Variants in HACD3 observed in about 807,000 individuals in gnomAD.
HACD3 encodes 3-hydroxyacyl-CoA dehydratase 3.
Under a neutral mutation model 55.2 loss-of-function variants are expected in HACD3, and 30 were observed. The observed-to-expected ratio is 0.54, with a 90% CI of 0.41 to 0.74. The LOEUF (loss-of-function observed/expected upper bound fraction) is 0.74, where lower values mean the gene tolerates loss of function less well. Among genes scored for constraint, HACD3 ranks in the 30% least tolerant of loss-of-function variants. The probability of loss-of-function intolerance (pLI) is 0.00; values close to 1 mark genes in which losing one functional copy is unlikely to be tolerated. For synonymous variants in HACD3, 141 were observed against 151.7 expected (o/e 0.93, Z 0.52); for missense variants, 363 against 440.1 (o/e 0.82, Z 1.57).
intron 6 of HACD3, 145 bp from the exon 7 acceptor site, chr15:65,564,070 T>C: frequency 9.8e-7 from 1 of 1,021,742 alleles, no homozygotes; most frequent in Non-Finnish European, 1.5e-6. Context: ...CCTTCCTGCT[T>C]AGTTAAGTAA....
intron 6 of HACD3, 136 bp downstream of exon 6, chr15:65,563,020 T>C (rs2072258628): frequency 2.3e-6 from 3 of 1,332,096 alleles, no homozygotes; most frequent in South Asian, 1.5e-5. Flanking sequence ...TTCGTTGTGC[T>C]TTCATAGCTC....
chr15:65,571,096 A>C (rs1183069600), intron 8 of HACD3, among the ~76,000 whole-genome samples: 1 of 152,226 alleles, frequency 6.6e-6, no homozygotes, highest in African/African-American at 2.4e-5. Context: ...CCTTAATGCA[A>C]TGTTTACTGT....
chr15:65,571,524 A>G, intron 8 of HACD3, 24 bp from the exon 9 acceptor site: 3 of 1,575,032 alleles, frequency 1.9e-6, no homozygotes, highest in East Asian at 2.2e-5. Flanking sequence ...GGCTTTTCAC[A>G]TTGGAATCAT....
chr15:65,562,829 G>T lies in HACD3; in HGVS notation c.477G>T (p.Leu159Phe). 6.2e-7 allele frequency: 1 copy of T among 1,613,788 alleles called. No individual in the cohort carries two copies. The highest frequency in any genetic ancestry group is 8.5e-7 in the Non-Finnish European group (1 of 1,179,858). ...YLFMYNLVQF[L>F]GFSWIFVNLT... The stretch of plus-strand genomic sequence containing the variant: ...TTATGTATAATCTTGTGCAATTCTT[G>T]GGATTCTCCTGGATCTTTGTCAACC... The change falls in exon 6 of 11, where the codon TTG (leucine) becomes TTT (phenylalanine). Residue 159 changes from leucine (L) to phenylalanine (F), a missense_variant. Coordinates refer to ENST00000261875, the MANE Select transcript of HACD3 (RefSeq NM_016395.4).
intron 1 of HACD3, among the ~76,000 whole-genome samples, chr15:65,549,426 GAAAAAAAAAA>G (rs34149100): frequency 2.7e-5 from 3 of 111,064 alleles, no homozygotes; most frequent in Non-Finnish European, 3.5e-5. Flanking sequence ...TCTCTGCTGG[GAAAAAAAAAA>G]AAAAAAAAAA....
chr15:65,568,749 A>G (rs145596871), intron 7 of HACD3, among the ~76,000 whole-genome samples: 79 of 152,306 alleles, frequency 5.2e-4, no homozygotes, highest in African/African-American at 1.7e-3. Context: ...CAAATTGGGG[A>G]CTTACCCTAT....
rs1038425824 is a variant in HACD3, at chr15:65,547,120, A to AT, written c.88-4542dup. On this transcript the variant is annotated intron_variant, in intron 1 of 10. Transcript: ENST00000261875. ...GCCCGTTAGTGATTGAGTTCCCAGG[A>AT]TTTTTTTTTTTTTTGAGACGGAGTC... 7.0e-3 allele frequency among the ~76,000 whole-genome samples: 1,016 copies of AT among 144,634 alleles called. 4 individuals carry two copies. The highest frequency in any genetic ancestry group is 0.029 in the Middle Eastern group (8 of 276). The allele number at this position is 144,634 out of a possible 152,430, so 94.9% of individuals were successfully genotyped here.
Position 65,571,533 on chromosome 15 carries a change from A to G in HACD3, c.774-15A>G, listed in dbSNP as rs755670247. Reference sequence around the variant, plus strand: ...TGAAGTGGCTTTTCACATTGGAATCATTTATTTTCAATAGGTACTCTTTCT... The same window carrying G: ...TGAAGTGGCTTTTCACATTGGAATCGTTTATTTTCAATAGGTACTCTTTCT... On this transcript the variant is annotated splice_polypyrimidine_tract_variant and intron_variant, in intron 8 of 10. Coordinates refer to ENST00000261875, the MANE Select transcript of HACD3 (RefSeq NM_016395.4). 6.3e-7 allele frequency: 1 copy of G among 1,597,374 alleles called. No individual in the cohort carries two copies. Among genetic ancestry groups the G allele is most frequent in the South Asian group, 1.1e-5 (1 of 90,324 alleles).
rs777654393 is a variant in HACD3, at chr15:65,564,168, T to G, written c.533-47T>G. 2.5e-6 allele frequency: 4 copies of G among 1,586,938 alleles called. No individual in the cohort carries two copies. In the East Asian group the frequency reaches 9.0e-5, roughly 36 times the overall value. On this transcript the variant is annotated intron_variant, in intron 6 of 10. Transcript: ENST00000261875. The stretch of plus-strand genomic sequence containing the variant: ...AATCTAGTTTGAGAAATAGTTCTGT[T>G]GGAATTTACCAACTGATTCACCCTT...
intron 1 of HACD3, among the ~76,000 whole-genome samples, chr15:65,544,457 C>A (rs2072053705): frequency 6.6e-6 from 1 of 152,136 alleles, no homozygotes; most frequent in Admixed American, 6.5e-5. Context: ...TGGCAGTATC[C>A]TGATTTTGAT....
chr15:65,540,573 G>A (rs1426598656), intron 1 of HACD3, among the ~76,000 whole-genome samples: 2 of 152,150 alleles, frequency 1.3e-5, no homozygotes, highest in Non-Finnish European at 2.9e-5. Flanking sequence ...GCAGGCAAAG[G>A]CTTAGTGGGG....
chr15:65,562,809 T>TGCACA lies in HACD3; in HGVS notation c.457_458insGCACA (p.Tyr153CysfsTer18). 2 of 1,613,994 alleles carry TGCACA rather than the reference T, an allele frequency of 1.2e-6. No homozygotes were observed. The highest frequency in any genetic ancestry group is 1.7e-6 in the Non-Finnish European group (2 of 1,179,886). ...CTTAAGGAAAGGATACCTGTTTATGTATAATCTTGTGCAATTCTTGGGATT... is the reference window on the plus strand; with the variant it reads ...CTTAAGGAAAGGATACCTGTTTATGTGCACAATAATCTTGTGCAATTCTTGGGATT... On this transcript the variant is annotated frameshift_variant, in exon 6 of 11. Coordinates refer to ENST00000261875, the MANE Select transcript of HACD3 (RefSeq NM_016395.4). LOFTEE classifies it high-confidence loss of function.
chr15:65,535,882 G>A, intron 1 of HACD3: 1 of 550,510 alleles, frequency 1.8e-6, no homozygotes, highest in Non-Finnish European at 3.3e-6. Flanking sequence ...TAGAGGTGGG[G>A]TCTCATTATG....
rs144506539 is a variant in HACD3 at position 65,568,637 on chromosome 15, G to A, written c.661-1454G>A. Among the ~76,000 whole-genome samples, 878 of 152,042 alleles carry A rather than the reference G, an allele frequency of 5.8e-3. 5 individuals are homozygous for A. The highest frequency in any genetic ancestry group is 9.5e-3 in the Non-Finnish European group (648 of 67,974). On this transcript the variant is annotated intron_variant, in intron 7 of 10. Transcript: ENST00000261875. ...GCCTCCCAAAGTGCTGGGATTACAGGCATGAGCCACCGCACCCAGCCATTA... is the reference window on the plus strand; with the variant it reads ...GCCTCCCAAAGTGCTGGGATTACAGACATGAGCCACCGCACCCAGCCATTA...
chr15:65,548,512 C>CAAAAA (rs5813362), intron 1 of HACD3, among the ~76,000 whole-genome samples: 1 of 79,214 alleles, frequency 1.3e-5, no homozygotes, highest in Non-Finnish European at 2.9e-5. Context: ...GATTCTGTCT[C>CAAAAA]AAAAAAAAAA....
At position 65,577,971 on chromosome 15, in the gene HACD3, G is replaced by A. The variant is rs534716222; in HGVS notation, c.*1592G>A. On this transcript the variant is annotated 3_prime_UTR_variant, in exon 11 of 11. Transcript: ENST00000261875. ...ACACTTGCATAAAAGAATTTAAGGA[G>A]TGATAGCTCTTTCTGTTCTGCCATT... The A allele has an allele frequency of 6.6e-6, 1 of 152,592 alleles. No homozygotes were observed. Among genetic ancestry groups the A allele is most frequent in the Non-Finnish European group, 1.5e-5 (1 of 68,048 alleles). The allele number at this position is 152,592 out of a possible 1,614,324, so 9.5% of individuals were successfully genotyped here.
chr15:65,554,629 T>C (rs780776193), intron 2 of HACD3, among the ~76,000 whole-genome samples: 1 of 152,002 alleles, frequency 6.6e-6, no homozygotes, highest in Admixed American at 6.6e-5. Context: ...AAAAAAATTA[T>C]CTGGGCATGG....
chr15:65,572,285 A>C lies in HACD3; in HGVS notation c.931A>C (p.Ser311Arg). 1 of 1,613,478 alleles carries C rather than the reference A, an allele frequency of 6.2e-7. No individual in the cohort carries two copies. Residue 311 changes from serine to arginine, a missense_variant, in exon 10 of 11, where the codon AGT becomes CGT. Coordinates refer to ENST00000261875, the MANE Select transcript of HACD3 (RefSeq NM_016395.4). ...AATATTCAATGAGACCGGACGATTC[A>C]GTTTCACATTGCCATATCCAGTGAA... ...IPIFNETGRF[S>R]FTLPYPVKIK...
intron 10 of HACD3, among the ~76,000 whole-genome samples, chr15:65,572,923 AAAAAAAAT>A (rs1165239518): frequency 8.2e-5 from 12 of 145,794 alleles, no homozygotes; most frequent in African/African-American, 3.2e-4. Context: ...TCAAAAAAAA[AAAAAAAAT>A]AAATAAATAA....
Sources: gnomAD v4.1 joint callset for allele counts (sites outside exome capture counted in the v4.1 genomes callset) on GRCh38, gnomAD v4.1.1 for gene constraint, MANE v1.5 for transcripts, NCBI Gene and HGNC (gene_info 2026-07-23, HGNC 2026-07-21) for gene names.